Variants in ABCD2 observed in about 807,000 individuals in gnomAD.
The protein encoded by ABCD2 is ATP binding cassette subfamily D member 2.
A neutral mutation model predicts 70.9 loss-of-function variants in ABCD2; 36 were observed. The ratio of observed to expected loss-of-function variants is 0.51; its 90% CI spans 0.39 to 0.67. The LOEUF is 0.67. ABCD2 is among the 30% of genes least tolerant of loss of function. The probability of loss-of-function intolerance (pLI) is 0.00; values close to 1 mark genes in which losing one functional copy is unlikely to be tolerated. For missense variants in ABCD2, 729 were observed against 890.2 expected, an observed-to-expected ratio of 0.82 and a Z score of 2.30; for synonymous variants, 304 against 306.9, an observed-to-expected ratio of 0.99 and a Z score of 0.10.
chr12:39,533,902 A>G, the ABCD2 span, among the ~76,000 whole-genome samples: 1 of 152,228 alleles, frequency 6.6e-6, no homozygotes. Context: ...AAAATAGATA[A>G]AGAAAAATAA....
the ABCD2 span, among the ~76,000 whole-genome samples, chr12:39,540,685 A>G: frequency 6.6e-6 from 1 of 152,192 alleles, no homozygotes; most frequent in East Asian, 1.9e-4. Flanking sequence ...TGGTCTCCAC[A>G]ATCTTTTGTC....
chr12:39,566,436 G>T (rs569573570), intron 9 of ABCD2, among the ~76,000 whole-genome samples: 14 of 152,108 alleles, frequency 9.2e-5, no homozygotes, highest in African/African-American at 2.6e-4. Flanking sequence ...TATAGTGTTT[G>T]CTGATGGTAG....
intron 2 of ABCD2, among the ~76,000 whole-genome samples, chr12:39,610,202 G>A (rs376223814): frequency 1.5e-3 from 234 of 152,266 alleles, no homozygotes; most frequent in African/African-American, 5.5e-3. Context: ...ATGGGTTGAC[G>A]TCAAGCACTG....
intron 9 of ABCD2, among the ~76,000 whole-genome samples, chr12:39,562,983 T>C (rs749066096): frequency 2.0e-5 from 3 of 152,116 alleles, no homozygotes; most frequent in Non-Finnish European, 4.4e-5. Context: ...GTGGAATTCA[T>C]CCTGGAGATG....
In ABCD2 at chr12:39,619,794, C is replaced by T. The variant is rs1942170226; in HGVS notation, c.-179G>A. ...GACAGATGCAGCAGAGCTCAGACTC[C>T]GCTGCATCTACCGGGAATGATTCTC... is the stretch of plus-strand genomic sequence containing the variant. On this transcript the variant is annotated 5_prime_UTR_variant, in exon 1 of 10. Coordinates refer to ENST00000308666, the MANE Select transcript of ABCD2 (RefSeq NM_005164.4). 1.0e-5 allele frequency: 6 copies of T among 591,362 alleles called. No individual in the cohort carries two copies. The highest frequency in any genetic ancestry group is 1.8e-5 in the Non-Finnish European group (6 of 340,442). 36.6% of individuals were successfully genotyped at this position (591,362 alleles called of 1,614,324 possible). A position where few individuals can be genotyped will look rare whatever the true frequency, so the allele number is the denominator to read the frequency against.
chr12:39,591,120 TGTC>T (rs2120661555), intron 6 of ABCD2, among the ~76,000 whole-genome samples: 1 of 152,326 alleles, frequency 6.6e-6, no homozygotes, highest in South Asian at 2.1e-4. Context: ...ACTGCTGTGT[TGTC>T]GTAGCAAAAG....
chr12:39,615,173 T>C (rs1314571666), intron 2 of ABCD2, among the ~76,000 whole-genome samples: 1 of 152,022 alleles, frequency 6.6e-6, no homozygotes, highest in Non-Finnish European at 1.5e-5. Context: ...AATAGCTGCA[T>C]TTTTGCTGTT....
chr12:39,543,057 A>G, the ABCD2 span, among the ~76,000 whole-genome samples: 1 of 152,234 alleles, frequency 6.6e-6, no homozygotes, highest in Non-Finnish European at 1.5e-5. Flanking sequence ...TTTTCCACAT[A>G]TGAAGAGAAC....
chr12:39,577,992 T>C (rs937257081), intron 8 of ABCD2, among the ~76,000 whole-genome samples: 1 of 152,202 alleles, frequency 6.6e-6, no homozygotes, highest in African/African-American at 2.4e-5. Flanking sequence ...GTGAGCCAAC[T>C]GAGTGCTTAG....
the ABCD2 span, among the ~76,000 whole-genome samples, chr12:39,531,454 G>A: frequency 2.0e-5 from 3 of 152,186 alleles, no homozygotes; most frequent in Non-Finnish European, 4.4e-5. Flanking sequence ...AGAAAAGGAG[G>A]AGCAGTTTAT....
At chr12:39,568,012 C>T (rs1262361323) in intron 9 of ABCD2, among the ~76,000 whole-genome samples, 1 of 151,818 alleles carries the variant, frequency 6.6e-6, no homozygotes, top group African/African-American at 2.4e-5. Flanking sequence ...GTCTGATGGG[C>T]TTCCCTTTGT....
chr12:39,590,152 T>A (rs779957609), intron 6 of ABCD2, among the ~76,000 whole-genome samples: 3 of 152,176 alleles, frequency 2.0e-5, no homozygotes, highest in Non-Finnish European at 4.4e-5. Flanking sequence ...TTGAGTCAGT[T>A]CAAGTTTCTG....
intron 6 of ABCD2, among the ~76,000 whole-genome samples, chr12:39,590,078 A>G (rs144955795): frequency 2.0e-5 from 3 of 152,288 alleles, no homozygotes; most frequent in East Asian, 3.9e-4. Flanking sequence ...CCCTATAGCC[A>G]ATGTTTATAT....
At chr12:39,533,209 G>A in the ABCD2 span, among the ~76,000 whole-genome samples, 1 of 151,804 alleles carries the variant, frequency 6.6e-6, no homozygotes, top group Non-Finnish European at 1.5e-5. Context: ...ATAGAGAAAG[G>A]TATGAATGCT....
chr12:39,534,580 G>C, the ABCD2 span, among the ~76,000 whole-genome samples: 1 of 151,832 alleles, frequency 6.6e-6, no homozygotes, highest in South Asian at 2.1e-4. Context: ...GGGAGGCCAA[G>C]GCAGAAGCAT....
intron 9 of ABCD2, among the ~76,000 whole-genome samples, chr12:39,563,503 C>A (rs879576350): frequency 6.6e-5 from 10 of 151,916 alleles, no homozygotes; most frequent in Admixed American, 4.6e-4. Flanking sequence ...AAAGTCCTAC[C>A]CAGAGCAATT....
chr12:39,554,013 C>G lies in ABCD2; in HGVS notation c.2122G>C (p.Ala708Pro). 1.2e-6 allele frequency: 2 copies of G among 1,613,554 alleles called. No individual in the cohort carries two copies. The highest frequency in any genetic ancestry group is 1.7e-6 in the Non-Finnish European group (2 of 1,179,848). Residue 708 changes from alanine (A) to proline (P), a missense_variant, in exon 10 of 10, where the codon GCT becomes CCT. Around this residue, in one of 3 missense-constraint regions of ABCD2, gnomAD observed 289 missense variants for 328.8 expected, o/e 0.88. Coordinates refer to ENST00000308666, the MANE Select transcript of ABCD2 (RefSeq NM_005164.4). ...EEKQKLESQL[A>P]GIPKMQQRLN... ...CTCTGCTGCATTTTGGGAATTCCAG[C>G]TAGCTGAGATTCTAGCTTTTGTTTT...
chr12:39,573,616 T>C (rs1255065730), intron 9 of ABCD2, 100 bp downstream of exon 9: 1 of 1,297,844 alleles, frequency 7.7e-7, no homozygotes, highest in African/African-American at 1.5e-5. Flanking sequence ...AGAAAATAAG[T>C]GAAATACCCT....
chr12:39,554,101 A>T lies in ABCD2; in HGVS notation c.2034T>A (p.Asp678Glu). Residue 678 changes from aspartate (D) to glutamate (E), a missense_variant, in exon 10 of 10, where the codon GAT (aspartate) becomes GAA (glutamate). Coordinates refer to ENST00000308666, the MANE Select transcript of ABCD2 (RefSeq NM_005164.4). ...WKYHTHLLQF[D>E]GEGGWRFEQL... is the part of the protein sequence containing the mutation. ...GTTCAAAGCGCCAACCTCCTTCACC[A>T]TCAAACTGTAATAAATGTGTGTGGT... 6.2e-7 allele frequency: 1 copy of T among 1,613,440 alleles called. No individual in the cohort carries two copies.
Sources: allele counts gnomAD v4.1 joint callset (sites outside exome capture counted in the v4.1 genomes callset), GRCh38; gene constraint gnomAD v4.1.1; regional missense constraint gnomAD v4.1.1; transcripts MANE v1.5; gene names NCBI Gene and HGNC (gene_info 2026-07-23, HGNC 2026-07-21).